SOX13: variants seen among roughly 807,000 people sequenced by gnomAD.
The protein encoded by SOX13 is transcription factor SOX-13.
A neutral mutation model predicts 71.8 loss-of-function variants in SOX13; 28 were observed. The observed-to-expected ratio is 0.39, with a 90% confidence interval of 0.29 to 0.53. SOX13 has a LOEUF of 0.53. Ranked by LOEUF, SOX13 falls within the 20% of genes least tolerant of loss-of-function variation. The pLI, the probability that SOX13 is intolerant of heterozygous loss-of-function variation, is 0.70. For missense variants in SOX13, 627 were observed against 810.3 expected, an observed-to-expected ratio of 0.77 and a Z score of 2.75; for synonymous variants, 309 against 317.8, an observed-to-expected ratio of 0.97 and a Z score of 0.29.
chr1:204,112,501 G>GCA (rs6143576), intron 1 of SOX13, among the ~76,000 whole-genome samples: 11,038 of 57,844 alleles, frequency 0.19, 521 homozygotes, highest in East Asian at 0.38. Context: ...ACACATGCGT[G>GCA]CACACACACA....
rs1159281996 is a variant in SOX13 at position 204,121,965 on chromosome 1, G to C, written c.841G>C (p.Ala281Pro). Residue 281 changes from alanine (A) to proline (P), a missense_variant, in exon 8 of 14, where the codon GCC becomes CCC. This residue lies in a region of SOX13 where 447 missense variants were observed against 532.2 expected (regional missense o/e 0.84). Coordinates refer to ENST00000367204, the MANE Select transcript of SOX13 (RefSeq NM_005686.3). ...AGTGGTGAAGAGGCCTGGGGCCATG[G>C]CCACCCACCACCCCCTGCAGGTACC... Reference protein sequence around the residue: ...APVVKRPGAMATHHPLQEPSQ... With the variant: ...APVVKRPGAMPTHHPLQEPSQ... The C allele has an allele frequency of 1.2e-6, 2 of 1,608,712 alleles. No homozygotes were observed. Among genetic ancestry groups the C allele is most frequent in the Non-Finnish European group, 1.7e-6 (2 of 1,175,444 alleles).
rs1655706690 is a variant in SOX13 at position 204,073,289 on chromosome 1, T to G, written c.-424T>G. 1.3e-5 allele frequency: 2 copies of G among 152,174 alleles called. No individual in the cohort carries two copies. Among genetic ancestry groups the G allele is most frequent in the Admixed American group, 1.3e-4 (2 of 15,276 alleles). The allele number at this position is 152,174 out of a possible 1,614,324, so 9.4% of individuals were successfully genotyped here. On this transcript the variant is annotated 5_prime_UTR_variant, in exon 1 of 14. Transcript: ENST00000367204. This position sits in a 1 kb window ranked among gnomAD's most constrained non-coding sequence, Gnocchi z 6.8. ...TCGGAATCGAGCCGAGGCGCTGAGG[T>G]TGGAGCCGGAGAGCGTGAGAGCCGA...
chr1:204,116,996 C>G (rs1291769084), intron 5 of SOX13, 126 bp from the exon 6 acceptor site: 15 of 948,830 alleles, frequency 1.6e-5, no homozygotes, highest in Non-Finnish European at 2.5e-5. Flanking sequence ...GACTGCTTTG[C>G]TCCCTACTGC....
chr1:204,122,290 C>A lies in SOX13; in HGVS notation c.915C>A (p.Pro305=). ...CCAAGCCCAAGGCCCCCGAGCTGCC[C>A]AACACCTCCAGCTCCCCAAGCCTGA... The part of the protein sequence containing the change: ...LTAKPKAPEL[P]NTSSSPSLKM... Residue 305 remains proline (P), a synonymous_variant, in exon 9 of 14, where the codon CCC becomes CCA. Coordinates refer to ENST00000367204, the MANE Select transcript of SOX13 (RefSeq NM_005686.3). 1.3e-6 allele frequency: 2 copies of A among 1,586,824 alleles called. No homozygotes were observed. Among genetic ancestry groups the A allele is most frequent in the East Asian group, 4.6e-5 (2 of 43,114 alleles).
At chr1:204,124,908 C>T (rs1351074342) in intron 13 of SOX13, 51 bp downstream of exon 13, 48 of 1,357,856 alleles carry the variant, frequency 3.5e-5, no homozygotes, top group Non-Finnish European at 4.5e-5. Flanking sequence ...ACATGTGTAG[C>T]TCTCATGAGT....
At chr1:204,078,256 A>G (rs1014700359) in intron 1 of SOX13, 3 of 152,168 alleles carry the variant, frequency 2.0e-5, no homozygotes, top group Non-Finnish European at 4.4e-5. Flanking sequence ...CAAGGGATCT[A>G]GGTGTCCTTG....
chr1:204,082,377 C>T lies in SOX13; in HGVS notation c.-2+8666C>T, dbSNP rs73067801. On this transcript the variant is annotated intron_variant, in intron 1 of 13. Coordinates refer to ENST00000367204, the MANE Select transcript of SOX13 (RefSeq NM_005686.3). ...CCAGGGAGACAGTGAGGACATTAGACGGATGTCAAGAAGGAAGGGAGAGTA... is the reference window on the plus strand; with the variant it reads ...CCAGGGAGACAGTGAGGACATTAGATGGATGTCAAGAAGGAAGGGAGAGTA... Among the ~76,000 whole-genome samples the T allele has an allele frequency of 6.5e-3, 992 of 151,876 alleles. 17 individuals carry two copies. Among genetic ancestry groups the T allele is most frequent in the African/African-American group, 0.023 (940 of 41,398 alleles).
At chr1:204,116,192 T>C in intron 4 of SOX13, 1 of 1,320,212 alleles carries the variant, frequency 7.6e-7, no homozygotes, top group South Asian at 1.3e-5. Context: ...CCTGACCCTG[T>C]GTGGCGCTGA....
In SOX13 at chr1:204,114,612, G is replaced by A. The variant is rs760806906; in HGVS notation, c.418+7G>A. 1.2e-6 allele frequency: 2 copies of A among 1,604,706 alleles called. No individual in the cohort carries two copies. The highest frequency in any genetic ancestry group is 2.2e-5 in the South Asian group (2 of 90,920). ...GAAGCCAAAGATGTCAAAGGTGAAG[G>A]CCTGTTGGGGGTGGGGGAGATGTTT... On this transcript the variant is annotated splice_region_variant and intron_variant, in intron 4 of 13. Coordinates refer to ENST00000367204, the MANE Select transcript of SOX13 (RefSeq NM_005686.3).
intron 1 of SOX13, among the ~76,000 whole-genome samples, chr1:204,076,829 G>A (rs1276254930): frequency 6.6e-6 from 1 of 152,242 alleles, no homozygotes; most frequent in Admixed American, 6.5e-5. Context: ...AACAGAAATT[G>A]TTGACCACCT....
intron 2 of SOX13, 75 bp downstream of exon 2, chr1:204,113,209 C>A: frequency 8.1e-7 from 1 of 1,232,486 alleles, no homozygotes; most frequent in Non-Finnish European, 1.1e-6. Context: ...TGGGCAGGCC[C>A]ACTCCCCTAG....
intron 1 of SOX13, among the ~76,000 whole-genome samples, chr1:204,075,048 A>G (rs889808559): frequency 6.6e-6 from 1 of 152,194 alleles, no homozygotes; most frequent in Admixed American, 6.5e-5. Context: ...CAGTCCAAGT[A>G]GGTGGGTCTC....
chr1:204,121,816 C>A, intron 7 of SOX13, 84 bp from the exon 8 acceptor site: 1 of 952,716 alleles, frequency 1.0e-6, no homozygotes, highest in Non-Finnish European at 1.7e-6. Flanking sequence ...CATTGCCCAT[C>A]TTGTGGTGCT....
intron 5 of SOX13, 94 bp from the exon 6 acceptor site, chr1:204,117,028 C>T (rs866953631): frequency 7.9e-7 from 1 of 1,264,788 alleles, no homozygotes; most frequent in East Asian, 2.5e-5. Flanking sequence ...ATGGCTTGCC[C>T]CACTGTAGAA....
At position 204,120,990 on chromosome 1, in the gene SOX13, T is replaced by A. The variant is rs140824459; in HGVS notation, c.776-910T>A. On this transcript the variant is annotated intron_variant, in intron 7 of 13. Transcript: ENST00000367204. ...TTTGAAAATTTTAAATTCTTTTTTT[T>A]TTTTTTTGAAACAGAGTCTCGCTCT... Among the ~76,000 whole-genome samples, 337 of 151,874 alleles carry A rather than the reference T, an allele frequency of 2.2e-3. 3 individuals are homozygous for A. The highest frequency in any genetic ancestry group is 7.4e-3 in the African/African-American group (307 of 41,422).
chr1:204,080,329 TC>T (rs5780210), intron 1 of SOX13, among the ~76,000 whole-genome samples: 7,853 of 152,216 alleles, frequency 0.052, 481 homozygotes, highest in African/African-American at 0.15. Flanking sequence ...CCCAACATTG[TC>T]CCCCTGTGTC....
At chr1:204,082,167 G>A (rs1655921775) in intron 1 of SOX13, among the ~76,000 whole-genome samples, 1 of 151,714 alleles carries the variant, frequency 6.6e-6, no homozygotes, top group Admixed American at 6.6e-5. Context: ...GGCCAGGTGT[G>A]TGTGTGTTTG....
At position 204,093,791 on chromosome 1, in the gene SOX13, C is replaced by T. The variant is rs150422175; in HGVS notation, c.-1-19124C>T. On this transcript the variant is annotated intron_variant, in intron 1 of 13. Coordinates refer to ENST00000367204, the MANE Select transcript of SOX13 (RefSeq NM_005686.3). ...ATGAGTTTTGTCCCTGAAGAAAATC[C>T]ACCTGTGAAGTGCTTAGCTTGTGAT... Among the ~76,000 whole-genome samples the T allele has an allele frequency of 3.1e-3, 478 of 152,288 alleles. 4 individuals carry two copies. Among genetic ancestry groups the T allele is most frequent in the African/African-American group, 0.011 (461 of 41,544 alleles).
chr1:204,099,189 A>G (rs369553477), intron 1 of SOX13, among the ~76,000 whole-genome samples: 2 of 152,152 alleles, frequency 1.3e-5, no homozygotes, highest in South Asian at 4.1e-4. Context: ...CTCTGGGTTC[A>G]GTTTCTTGGT....
Sources: allele counts gnomAD v4.1 joint callset (sites outside exome capture counted in the v4.1 genomes callset), GRCh38; gene constraint gnomAD v4.1.1; regional missense constraint gnomAD v4.1.1; non-coding constraint Gnocchi (gnomAD v3.1); transcripts MANE v1.5; gene names NCBI Gene and HGNC (gene_info 2026-07-23, HGNC 2026-07-21).